The following ADK variants were observed in gnomAD, a reference collection of about 807,000 sequenced individuals.
The protein encoded by ADK is N6,N6-dimethyladenosine kinase.
In ADK, 24 loss-of-function variants were observed where a neutral mutation model predicts 44.7. That is an observed-to-expected ratio of 0.54 (90% CI 0.39 to 0.76). The LOEUF is 0.76. Among genes scored for constraint, ADK ranks in the 30% least tolerant of loss-of-function variants. The pLI is 0.00. For missense variants in ADK, 321 were observed against 425.1 expected, an observed-to-expected ratio of 0.76 and a Z score of 2.15; for synonymous variants, 128 against 142.6, an observed-to-expected ratio of 0.90 and a Z score of 0.73.
chr10:74,471,812 T>C (rs891899532), intron 6 of ADK, among the ~76,000 whole-genome samples: 15 of 152,322 alleles, frequency 9.8e-5, no homozygotes, highest in Middle Eastern at 3.4e-3. Flanking sequence ...TTGTTCATTG[T>C]TAGTATTTTC....
Position 74,312,914 on chromosome 10 carries a change from CAA to C in ADK, c.195-1728_195-1727del, listed in dbSNP as rs56052959. ...GGATGAAAAAGGAAGATTCTGTCTC[CAA>C]AAAAAAAAAAAAAAAAAAAAAAAAG... On this transcript the variant is annotated intron_variant, in intron 3 of 10. Transcript: ENST00000539909. Among the ~76,000 whole-genome samples the C allele has an allele frequency of 5.6e-3, 211 of 37,814 alleles. 1 individual carries two copies. The highest frequency in any genetic ancestry group is 0.013 in the African/African-American group (133 of 10,204). 24.8% of individuals were successfully genotyped at this position (37,814 alleles called of 152,430 possible).
intron 5 of ADK, among the ~76,000 whole-genome samples, chr10:74,396,983 T>C (rs1592149946): frequency 6.6e-6 from 1 of 152,050 alleles, no homozygotes; most frequent in African/African-American, 2.4e-5. Flanking sequence ...AGAATACTTT[T>C]ATTTTTCTTT....
intron 3 of ADK, among the ~76,000 whole-genome samples, chr10:74,227,784 A>T (rs1591893957): frequency 6.6e-6 from 1 of 152,124 alleles, no homozygotes; most frequent in Non-Finnish European, 1.5e-5. Context: ...GAAAAGTTGC[A>T]GTGAGCCAAG....
intron 9 of ADK, among the ~76,000 whole-genome samples, chr10:74,618,490 T>C (rs1157031751): frequency 1.3e-5 from 2 of 152,132 alleles, no homozygotes; most frequent in East Asian, 1.9e-4. Flanking sequence ...AGTTTTGCCA[T>C]GTTGGCCAGG....
intron 10 of ADK, among the ~76,000 whole-genome samples, chr10:74,677,965 CAAAAAAAAAAA>C (rs3037448): frequency 5.1e-4 from 22 of 43,078 alleles, no homozygotes; most frequent in South Asian, 2.9e-3. Context: ...CCAGTCTCTA[CAAAAAAAAAAA>C]AAAAAAAAAA....
At chr10:74,503,662 T>A (rs532559367) in intron 6 of ADK, among the ~76,000 whole-genome samples, 1 of 152,314 alleles carries the variant, frequency 6.6e-6, no homozygotes, top group African/African-American at 2.4e-5. Flanking sequence ...GTTTAAAGAT[T>A]AAAACTTCAT....
chr10:74,615,777 C>T (rs947091814), intron 9 of ADK, among the ~76,000 whole-genome samples: 11 of 152,032 alleles, frequency 7.2e-5, no homozygotes, highest in Admixed American at 1.3e-4. Flanking sequence ...GGCGGGATCT[C>T]GGCTCACTGC....
At chr10:74,208,340 C>T (rs10824110) in intron 2 of ADK, among the ~76,000 whole-genome samples, 25,932 of 152,200 alleles carry the variant, frequency 0.17, 2,587 homozygotes, top group African/African-American at 0.28. Context: ...GCAGCCCTGG[C>T]TGCATCTCCC....
At chr10:74,266,092 T>C (rs1846202073) in intron 3 of ADK, among the ~76,000 whole-genome samples, 1 of 152,134 alleles carries the variant, frequency 6.6e-6, no homozygotes, top group African/African-American at 2.4e-5. Flanking sequence ...AAATGACTTT[T>C]GGAAGGATTA....
intron 10 of ADK, among the ~76,000 whole-genome samples, chr10:74,680,042 C>T (rs1455510754): frequency 1.3e-5 from 2 of 151,720 alleles, no homozygotes; most frequent in Non-Finnish European, 2.9e-5. Flanking sequence ...AGGCCGGGCA[C>T]GGTGGCTCAC....
intron 1 of ADK, among the ~76,000 whole-genome samples, chr10:74,183,837 C>T (rs913586076): frequency 6.6e-6 from 1 of 152,012 alleles, no homozygotes; most frequent in African/African-American, 2.4e-5. Flanking sequence ...AAATAAAATA[C>T]TGTGATAAAA....
rs567395602 is a variant in ADK, at chr10:74,617,831, A to G, written c.877+17338A>G. Among the ~76,000 whole-genome samples, 3 of 152,262 alleles carry G rather than the reference A, an allele frequency of 2.0e-5. No individual in the cohort carries two copies. In the South Asian group the frequency reaches 6.2e-4, roughly 32 times the overall value. On this transcript the variant is annotated intron_variant, in intron 9 of 10. Transcript: ENST00000539909. ...GATCTTGAACTCCTGGGCTCAAGCA[A>G]TTCACCCACCTTGGGCTCCCATAGT...
At chr10:74,478,326 C>T (rs2133336418) in intron 6 of ADK, among the ~76,000 whole-genome samples, 1 of 152,252 alleles carries the variant, frequency 6.6e-6, no homozygotes, top group Non-Finnish European at 1.5e-5. Context: ...ATTAAATGAT[C>T]CTCCTGCCTC....
chr10:74,363,280 G>A (rs1842396356), intron 4 of ADK, among the ~76,000 whole-genome samples: 1 of 152,118 alleles, frequency 6.6e-6, no homozygotes, highest in Non-Finnish European at 1.5e-5. Flanking sequence ...GTGTGACTGT[G>A]CCCCCTTGGG....
At chr10:74,389,688 T>C (rs1843271488) in intron 4 of ADK, among the ~76,000 whole-genome samples, 1 of 152,124 alleles carries the variant, frequency 6.6e-6, no homozygotes, top group African/African-American at 2.4e-5. Flanking sequence ...ATTTTGTCAA[T>C]ATCTGAATGT....
At chr10:74,454,882 T>G (rs895316865) in intron 6 of ADK, among the ~76,000 whole-genome samples, 2 of 152,154 alleles carry the variant, frequency 1.3e-5, no homozygotes, top group African/African-American at 4.8e-5. Context: ...AGATGCTCCT[T>G]TATAGAGAGG....
rs1007106435 is a variant in ADK, at chr10:74,245,738, G to A, written c.194+21147G>A. On this transcript the variant is annotated intron_variant, in intron 3 of 10. Coordinates refer to ENST00000539909, the MANE Select transcript of ADK (RefSeq NM_006721.4). ...TCTTAGTAGCTGGGATTACAGGCAT[G>A]CACCATCACGCCTGGCTAATTTTTG... Among the ~76,000 whole-genome samples, 2 of 151,942 alleles carry A rather than the reference G, an allele frequency of 1.3e-5. 1 individual carries two copies. The highest frequency in any genetic ancestry group is 4.2e-4 in the South Asian group (2 of 4,818).
intron 4 of ADK, among the ~76,000 whole-genome samples, chr10:74,357,026 G>C (rs1328982678): frequency 1.3e-5 from 2 of 152,198 alleles, no homozygotes; most frequent in African/African-American, 4.8e-5. Context: ...TAGAAGATCA[G>C]AGTTCCTTCA....
chr10:74,363,685 C>G (rs1283214929), intron 4 of ADK, among the ~76,000 whole-genome samples: 1 of 152,132 alleles, frequency 6.6e-6, no homozygotes, highest in Non-Finnish European at 1.5e-5. Context: ...TGGGCTCCCT[C>G]AGGATCTCCT....
Sources: gnomAD v4.1 joint callset for allele counts (sites outside exome capture counted in the v4.1 genomes callset) on GRCh38, gnomAD v4.1.1 for gene constraint, MANE v1.5 for transcripts, NCBI Gene and HGNC (gene_info 2026-07-23, HGNC 2026-07-21) for gene names.